The following PTPN9 variants were observed in gnomAD, a reference collection of about 807,000 sequenced individuals.
The protein encoded by PTPN9 is tyrosine-protein phosphatase non-receptor type 9.
A neutral mutation model predicts 69.8 loss-of-function variants in PTPN9; 26 were observed. The observed-to-expected ratio is 0.37, with a 90% CI of 0.27 to 0.52. The LOEUF is 0.52. Among genes scored for constraint, PTPN9 ranks in the 20% least tolerant of loss-of-function variants. The pLI is 0.91. For missense variants in PTPN9, 549 were observed against 740.3 expected (o/e 0.74, Z 3.00); for synonymous variants, 274 against 272.5 (o/e 1.01, Z -0.05).
rs1439473723 is a variant in PTPN9, at chr15:75,469,876, C to T, written c.1483G>A (p.Val495Met). 2 of 1,614,018 alleles carry T rather than the reference C, an allele frequency of 1.2e-6. No individual in the cohort carries two copies. Among genetic ancestry groups the T allele is most frequent in the African/African-American group, 1.3e-5 (1 of 74,932 alleles). ...TTGGAGCGTGCTCCCATGTTGCTCACAGCCAGACTCTGCTGGTTTCTGACC... is the reference window on the plus strand; with the variant it reads ...TTGGAGCGTGCTCCCATGTTGCTCATAGCCAGACTCTGCTGGTTTCTGACC... ...RVVRNQQSLA[V>M]SNMGARSKGQ... The change falls in exon 12 of 13, where the codon GTG becomes ATG. Residue 495 changes from valine to methionine, a missense_variant. Val to Met is a conservative substitution (Grantham distance 21, BLOSUM62 1). Transcript: ENST00000618819.
At chr15:75,549,880 G>A in intron 1 of PTPN9, among the ~76,000 whole-genome samples, 1 of 151,984 alleles carries the variant, frequency 6.6e-6, no homozygotes, top group East Asian at 1.9e-4. Flanking sequence ...AGGCTGAGGT[G>A]GGAGGATTGC....
intron 8 of PTPN9, 137 bp downstream of exon 8, chr15:75,490,071 T>C (rs1008659453): frequency 8.6e-6 from 6 of 701,144 alleles, no homozygotes. Context: ...GACTAGTATG[T>C]AGCAAAATAT....
At chr15:75,496,966 A>C (rs1046752533) in intron 7 of PTPN9, among the ~76,000 whole-genome samples, 19 of 152,290 alleles carry the variant, frequency 1.2e-4, no homozygotes, top group Non-Finnish European at 2.5e-4. Context: ...GGTTTTGAAA[A>C]AAATTATTTG....
intron 4 of PTPN9, 33 bp downstream of exon 4, chr15:75,523,088 G>C (rs748292947): frequency 6.2e-7 from 1 of 1,604,388 alleles, no homozygotes; most frequent in South Asian, 1.1e-5. Flanking sequence ...CTACCTGCAT[G>C]TAGAATACCT....
chr15:75,508,495 G>T (rs2074831283), intron 6 of PTPN9, among the ~76,000 whole-genome samples: 1 of 152,198 alleles, frequency 6.6e-6, no homozygotes. Context: ...GTGGTCAAGG[G>T]ATTGAATGAT....
intron 8 of PTPN9, among the ~76,000 whole-genome samples, chr15:75,483,564 G>C (rs561278353): frequency 6.6e-6 from 1 of 152,208 alleles, no homozygotes; most frequent in South Asian, 2.1e-4. Context: ...AATAGGTAGC[G>C]ACTGCCAAGG....
chr15:75,530,864 T>C (rs1292741608), intron 1 of PTPN9, among the ~76,000 whole-genome samples: 4 of 108,560 alleles, frequency 3.7e-5, no homozygotes, highest in African/African-American at 1.4e-4. Flanking sequence ...TGATATATTA[T>C]ATATTACGAT....
At chr15:75,495,657 C>T (rs1343895514) in intron 7 of PTPN9, among the ~76,000 whole-genome samples, 1 of 152,050 alleles carries the variant, frequency 6.6e-6, no homozygotes, top group African/African-American at 2.4e-5. Flanking sequence ...GTGGAGGTTG[C>T]AGTGAGCCGA....
At chr15:75,578,639 C>A in intron 1 of PTPN9, 75 bp downstream of exon 1, 1 of 1,172,952 alleles carries the variant, frequency 8.5e-7, no homozygotes, top group South Asian at 2.6e-5. Flanking sequence ...AAAGAGCCGG[C>A]ACTCGGGAGG....
chr15:75,481,267 C>A (rs2074632306), intron 8 of PTPN9, among the ~76,000 whole-genome samples: 1 of 94,804 alleles, frequency 1.1e-5, no homozygotes, highest in African/African-American at 4.1e-5. Context: ...AGGAGCCTCT[C>A]CGCCCGGCAG....
At chr15:75,536,428 G>A (rs2074982577) in intron 1 of PTPN9, among the ~76,000 whole-genome samples, 1 of 152,112 alleles carries the variant, frequency 6.6e-6, no homozygotes. Flanking sequence ...ATTCTAGGAA[G>A]GTTCTATGAA....
intron 1 of PTPN9, among the ~76,000 whole-genome samples, chr15:75,556,665 C>T (rs774341479): frequency 1.3e-5 from 2 of 152,156 alleles, no homozygotes; most frequent in Non-Finnish European, 2.9e-5. Flanking sequence ...GTGTGAGCCA[C>T]CACACCTGGC....
At chr15:75,506,159 T>C (rs1225369825) in intron 6 of PTPN9, among the ~76,000 whole-genome samples, 156 bp from the exon 7 acceptor site, 1 of 152,226 alleles carries the variant, frequency 6.6e-6, no homozygotes, top group Non-Finnish European at 1.5e-5. Context: ...ACATTTCATC[T>C]GCCTGAGATT....
intron 1 of PTPN9, among the ~76,000 whole-genome samples, chr15:75,541,686 G>A (rs1249009934): frequency 6.6e-6 from 1 of 151,848 alleles, no homozygotes; most frequent in Non-Finnish European, 1.5e-5. Flanking sequence ...GATTACAGGC[G>A]TGAGCCACTG....
At chr15:75,562,136 A>AC (rs781693993) in intron 1 of PTPN9, among the ~76,000 whole-genome samples, 1 of 152,168 alleles carries the variant, frequency 6.6e-6, no homozygotes, top group Non-Finnish European at 1.5e-5. Flanking sequence ...TACAGGCATG[A>AC]CCCACTGCGC....
intron 7 of PTPN9, among the ~76,000 whole-genome samples, chr15:75,500,193 A>T (rs1377204549): frequency 6.6e-6 from 1 of 152,068 alleles, no homozygotes; most frequent in Non-Finnish European, 1.5e-5. Context: ...CACGCCTGTA[A>T]TCCCAGCTAC....
At chr15:75,482,942 G>A (rs1420645607) in intron 8 of PTPN9, among the ~76,000 whole-genome samples, 1 of 151,200 alleles carries the variant, frequency 6.6e-6, no homozygotes, top group African/African-American at 2.4e-5. Flanking sequence ...GCGACAGAGC[G>A]AGACTCTGTC....
At chr15:75,473,064 C>T (rs1415597051) in intron 10 of PTPN9, among the ~76,000 whole-genome samples, 1 of 152,120 alleles carries the variant, frequency 6.6e-6, no homozygotes, top group Non-Finnish European at 1.5e-5. Flanking sequence ...AGAATTGTCC[C>T]ATGTTTCCCA....
At chr15:75,573,802 C>G (rs916773436) in intron 1 of PTPN9, among the ~76,000 whole-genome samples, 45 of 152,186 alleles carry the variant, frequency 3.0e-4, no homozygotes, top group African/African-American at 1.1e-3. Flanking sequence ...TGTAATCACA[C>G]AAATAAGTGT....
Sources: allele counts gnomAD v4.1 joint callset (sites outside exome capture counted in the v4.1 genomes callset), GRCh38; gene constraint gnomAD v4.1.1; transcripts MANE v1.5; gene names NCBI Gene and HGNC (gene_info 2026-07-23, HGNC 2026-07-21).